The following ARHGAP42 variants were observed in gnomAD, a reference collection of about 807,000 sequenced individuals.
ARHGAP42 encodes the protein Rho GTPase activating protein 42, also known as rho GTPase-activating protein 42.
Under a neutral mutation model 125.0 loss-of-function variants are expected in ARHGAP42, and 63 were observed. The ratio of observed to expected loss-of-function variants is 0.50; its 90% CI spans 0.41 to 0.62. The LOEUF is 0.62. Among genes scored for constraint, ARHGAP42 ranks in the 20% least tolerant of loss-of-function variants. The pLI, the probability that ARHGAP42 is intolerant of heterozygous loss-of-function variation, is 0.00. For missense variants in ARHGAP42, 766 were observed against 1,024.2 expected (o/e 0.75, Z 3.44); for synonymous variants, 339 against 351.0 (o/e 0.97, Z 0.38).
intron 2 of ARHGAP42, among the ~76,000 whole-genome samples, chr11:100,782,747 C>T (rs1264007335): frequency 6.6e-6 from 1 of 151,970 alleles, no homozygotes; most frequent in Admixed American, 6.6e-5. Context: ...ATTCAGGGGG[C>T]AGTGGAGAGA....
At chr11:100,762,565 T>G (rs534887418) in intron 1 of ARHGAP42, among the ~76,000 whole-genome samples, 1 of 152,342 alleles carries the variant, frequency 6.6e-6, no homozygotes, top group Admixed American at 6.5e-5. Flanking sequence ...GCCCTCTTAA[T>G]GAAGACCGAT....
intron 7 of ARHGAP42, among the ~76,000 whole-genome samples, chr11:100,933,637 T>G (rs1181768088): frequency 6.6e-6 from 1 of 152,174 alleles, no homozygotes; most frequent in Non-Finnish European, 1.5e-5. Flanking sequence ...TGGTGATTGA[T>G]ATATTAATTA....
intron 6 of ARHGAP42, among the ~76,000 whole-genome samples, chr11:100,926,888 C>A (rs79110738): frequency 0.018 from 2,681 of 152,266 alleles, 72 homozygotes; most frequent in African/African-American, 0.061. Flanking sequence ...TTTTAGCCTT[C>A]TAAATATACA....
At chr11:100,958,378 A>G (rs1223953604) in intron 12 of ARHGAP42, among the ~76,000 whole-genome samples, 1 of 152,044 alleles carries the variant, frequency 6.6e-6, no homozygotes, top group Non-Finnish European at 1.5e-5. Context: ...CACTGAAAGT[A>G]TTCACTGAGT....
chr11:100,874,293 G>C (rs1865761237), intron 4 of ARHGAP42, among the ~76,000 whole-genome samples: 1 of 152,156 alleles, frequency 6.6e-6, no homozygotes, highest in Non-Finnish European at 1.5e-5. Flanking sequence ...ATCTATTCTT[G>C]AGATACCCAA....
At chr11:100,934,389 AT>A (rs1410600200) in intron 7 of ARHGAP42, among the ~76,000 whole-genome samples, 1 of 152,178 alleles carries the variant, frequency 6.6e-6, no homozygotes, top group Non-Finnish European at 1.5e-5. Flanking sequence ...TGAAAAAAAA[AT>A]AAGAAAAAAT....
intron 4 of ARHGAP42, among the ~76,000 whole-genome samples, chr11:100,861,227 A>G (rs1157782966): frequency 1.3e-5 from 2 of 152,180 alleles, no homozygotes; most frequent in South Asian, 2.1e-4. Flanking sequence ...AGGGAATGGA[A>G]TATGGGAATG....
At chr11:100,748,322 C>CTA (rs1352328957) in intron 1 of ARHGAP42, among the ~76,000 whole-genome samples, 1 of 152,172 alleles carries the variant, frequency 6.6e-6, no homozygotes. Flanking sequence ...AGAGCTTCTA[C>CTA]TAGAGTTTCC....
intron 6 of ARHGAP42, 23 bp from the exon 7 acceptor site, chr11:100,933,133 T>G: frequency 6.8e-7 from 1 of 1,463,222 alleles, no homozygotes; most frequent in Non-Finnish European, 9.3e-7. Context: ...TTTCATGGTT[T>G]CTTTATCTCT....
chr11:100,870,374 G>A (rs775664069), intron 4 of ARHGAP42, among the ~76,000 whole-genome samples: 1 of 152,188 alleles, frequency 6.6e-6, no homozygotes, highest in Non-Finnish European at 1.5e-5. Context: ...TGGTTTAAGA[G>A]TTCGTGCTTT....
chr11:100,827,306 C>G (rs1212752589), intron 3 of ARHGAP42, among the ~76,000 whole-genome samples: 2 of 152,182 alleles, frequency 1.3e-5, no homozygotes, highest in African/African-American at 4.8e-5. Flanking sequence ...TCCGGCCAAG[C>G]CTTACATCTT....
chr11:100,847,620 A>G (rs946446480), intron 3 of ARHGAP42, among the ~76,000 whole-genome samples: 1 of 152,100 alleles, frequency 6.6e-6, no homozygotes, highest in African/African-American at 2.4e-5. Context: ...GAGCTGTGTA[A>G]TTGCTAATTT....
intron 8 of ARHGAP42, among the ~76,000 whole-genome samples, chr11:100,940,408 G>T (rs1056773654): frequency 6.6e-6 from 1 of 152,064 alleles, no homozygotes; most frequent in Non-Finnish European, 1.5e-5. Flanking sequence ...CTCCATTTTC[G>T]ATCCACTCAG....
intron 4 of ARHGAP42, among the ~76,000 whole-genome samples, chr11:100,876,966 C>G (rs1029324852): frequency 2.0e-5 from 3 of 152,160 alleles, no homozygotes; most frequent in Non-Finnish European, 4.4e-5. Context: ...GGAGAGATGA[C>G]CTCTACAATT....
At chr11:100,966,510 G>GT (rs533451910) in intron 17 of ARHGAP42, among the ~76,000 whole-genome samples, 20 of 151,908 alleles carry the variant, frequency 1.3e-4, no homozygotes, top group Non-Finnish European at 2.1e-4. Context: ...TGGGAACTCA[G>GT]TTTTTTTTCT....
chr11:100,966,907 C>T (rs571104731), intron 17 of ARHGAP42, among the ~76,000 whole-genome samples: 12 of 152,158 alleles, frequency 7.9e-5, no homozygotes, highest in Admixed American at 7.9e-4. Context: ...TTAATGAGTA[C>T]CATGGTTTAC....
At chr11:100,870,766 A>G (rs74969590) in intron 4 of ARHGAP42, among the ~76,000 whole-genome samples, 3,164 of 152,296 alleles carry the variant, frequency 0.021, 100 homozygotes, top group African/African-American at 0.073. Flanking sequence ...TGTTTCAAGC[A>G]TTTGGAATCG....
At chr11:100,936,956 G>A (rs978923336) in intron 8 of ARHGAP42, among the ~76,000 whole-genome samples, 7 of 152,158 alleles carry the variant, frequency 4.6e-5, no homozygotes, top group Non-Finnish European at 7.3e-5. Flanking sequence ...CTACATTCAC[G>A]CTTTCAAACC....
chr11:100,925,858 C>T (rs948252436), intron 6 of ARHGAP42, among the ~76,000 whole-genome samples: 2 of 152,108 alleles, frequency 1.3e-5, no homozygotes, highest in Admixed American at 6.6e-5. Flanking sequence ...CAACAAGGTA[C>T]GCAAGTGTAG....
Sources: allele counts gnomAD v4.1 joint callset (sites outside exome capture counted in the v4.1 genomes callset), GRCh38; gene constraint gnomAD v4.1.1; transcripts MANE v1.5; gene names NCBI Gene and HGNC (gene_info 2026-07-23, HGNC 2026-07-21).